POU2F1: variants seen among roughly 807,000 people sequenced by gnomAD.
The protein encoded by POU2F1 is POU class 2 homeobox 1.
In POU2F1, 16 loss-of-function variants were observed where a neutral mutation model predicts 84.9. That is an observed-to-expected ratio of 0.19 (90% CI 0.13 to 0.29). The LOEUF is 0.29. Ranked by LOEUF, POU2F1 falls within the 10% of genes least tolerant of loss-of-function variation. The pLI is 1.00. For synonymous variants in POU2F1, 368 were observed against 368.3 expected (o/e 1.00, Z 0.01); for missense variants, 738 against 942.6 (o/e 0.78, Z 2.84).
chr1:167,240,714 C>A (rs932201317), intron 1 of POU2F1, among the ~76,000 whole-genome samples: 1 of 152,128 alleles, frequency 6.6e-6, no homozygotes, highest in African/African-American at 2.4e-5. Flanking sequence ...CCTTTGGTGT[C>A]CCAATGAAGT....
chr1:167,417,755 G>A lies in POU2F1; in HGVS notation c.*1945G>A, dbSNP rs1477481193. On this transcript the variant is annotated 3_prime_UTR_variant, in exon 16 of 16. Transcript: ENST00000367866. ...TTGTTTGTGTCCACAAGGGAGCTTG[G>A]ATTCTGTGTACTTGTCTCTTTCCCA... is the stretch of plus-strand genomic sequence containing the variant. 1 of 152,122 alleles carries A rather than the reference G, an allele frequency of 6.6e-6. No individual in the cohort carries two copies. Among genetic ancestry groups the A allele is most frequent in the Non-Finnish European group, 1.5e-5 (1 of 68,028 alleles). The allele number at this position is 152,122 out of a possible 1,614,324, so 9.4% of individuals were successfully genotyped here.
At chr1:167,318,717 G>A (rs2102625177) in intron 1 of POU2F1, among the ~76,000 whole-genome samples, 1 of 152,260 alleles carries the variant, frequency 6.6e-6, no homozygotes, top group South Asian at 2.1e-4. Context: ...CAGATAGGCG[G>A]ACATTCAAAT....
intron 2 of POU2F1, among the ~76,000 whole-genome samples, chr1:167,347,111 A>G (rs906586105): frequency 2.0e-5 from 3 of 152,216 alleles, no homozygotes; most frequent in African/African-American, 7.2e-5. Context: ...AGATATTGTC[A>G]TTATTTCCTA....
intron 7 of POU2F1, among the ~76,000 whole-genome samples, chr1:167,381,289 TAGCC>T (rs1315898605): frequency 6.6e-6 from 1 of 152,110 alleles, no homozygotes; most frequent in Non-Finnish European, 1.5e-5. Flanking sequence ...TTCACCGTGT[TAGCC>T]AGGATGGTCT....
At chr1:167,267,615 T>C (rs1652059098) in intron 1 of POU2F1, among the ~76,000 whole-genome samples, 1 of 141,174 alleles carries the variant, frequency 7.1e-6, no homozygotes, top group Non-Finnish European at 1.5e-5. Context: ...TGTGAAAGTA[T>C]CACAGTTACT....
chr1:167,222,008 CT>C (rs937517561), intron 1 of POU2F1, among the ~76,000 whole-genome samples: 1 of 152,052 alleles, frequency 6.6e-6, no homozygotes, highest in Non-Finnish European at 1.5e-5. Context: ...CCCTTTGCCC[CT>C]CCCCGCTGCC....
intron 8 of POU2F1, among the ~76,000 whole-genome samples, chr1:167,386,841 A>G (rs1184281483): frequency 1.3e-5 from 2 of 152,182 alleles, no homozygotes; most frequent in Admixed American, 6.5e-5. Context: ...TACATAAAAC[A>G]TATTAGTGGT....
rs1202387705 is a variant in POU2F1, at chr1:167,421,930, G to A, written c.*6120G>A. The A allele has an allele frequency of 6.6e-6, 1 of 152,164 alleles. No homozygotes were observed. Among genetic ancestry groups the A allele is most frequent in the Non-Finnish European group, 1.5e-5 (1 of 68,028 alleles). 9.4% of individuals were successfully genotyped at this position (152,164 alleles called of 1,614,324 possible). On this transcript the variant is annotated 3_prime_UTR_variant, in exon 16 of 16. Coordinates refer to ENST00000367866, the MANE Select transcript of POU2F1 (RefSeq NM_002697.4). ...GGGAGGGTTGGGTGGGGGAAGAGGA[G>A]ATGTTGATTATGTTAGAAGGAAAAC...
chr1:167,386,587 T>C (rs982325678), intron 8 of POU2F1, among the ~76,000 whole-genome samples: 6 of 152,242 alleles, frequency 3.9e-5, no homozygotes, highest in African/African-American at 1.4e-4. Flanking sequence ...TATGTGAATG[T>C]TTCTAGCAGC....
At chr1:167,340,459 T>A (rs1174661621) in intron 2 of POU2F1, among the ~76,000 whole-genome samples, 1 of 134,822 alleles carries the variant, frequency 7.4e-6, no homozygotes, top group Non-Finnish European at 1.5e-5. Flanking sequence ...GGAGACAGAG[T>A]CTCACTCTGT....
chr1:167,403,959 T>G (rs531548036), intron 13 of POU2F1, among the ~76,000 whole-genome samples: 6 of 152,336 alleles, frequency 3.9e-5, no homozygotes, highest in Non-Finnish European at 5.9e-5. Context: ...TGAATTTTGT[T>G]GTGTTTTAGC....
chr1:167,365,318 G>A (rs555693963), intron 2 of POU2F1, 149 bp from the exon 3 acceptor site: 10 of 519,708 alleles, frequency 1.9e-5, no homozygotes, highest in South Asian at 1.4e-4. Flanking sequence ...CCAGTTTACT[G>A]TTTCCTTTCT....
At chr1:167,355,235 AC>A (rs1475168869) in intron 2 of POU2F1, among the ~76,000 whole-genome samples, 2 of 150,446 alleles carry the variant, frequency 1.3e-5, no homozygotes, top group Non-Finnish European at 3.0e-5. Context: ...TTAAATAGAT[AC>A]CCAGCTACCC....
At chr1:167,319,011 C>A in intron 1 of POU2F1, 1 of 153,792 alleles carries the variant, frequency 6.5e-6, no homozygotes, top group South Asian at 1.8e-4. Context: ...CTGCTTTCCT[C>A]AGGTTTTCTT....
At chr1:167,352,767 C>T (rs532825936) in intron 2 of POU2F1, among the ~76,000 whole-genome samples, 44 of 152,228 alleles carry the variant, frequency 2.9e-4, no homozygotes, top group African/African-American at 9.9e-4. Flanking sequence ...CTTAGTATAG[C>T]GGGCTTGAGA....
intron 1 of POU2F1, among the ~76,000 whole-genome samples, chr1:167,320,686 T>C (rs1656245159): frequency 6.6e-6 from 1 of 152,226 alleles, no homozygotes; most frequent in African/African-American, 2.4e-5. Context: ...CTTTACAAGA[T>C]GTTGCTCTTG....
At chr1:167,394,063 G>C (rs567979409) in intron 9 of POU2F1, among the ~76,000 whole-genome samples, 2 of 151,812 alleles carry the variant, frequency 1.3e-5, no homozygotes, top group East Asian at 3.9e-4. Flanking sequence ...TTGTCACCCA[G>C]GCTGGAGTGC....
At chr1:167,337,307 C>T (rs1657536433) in intron 2 of POU2F1, among the ~76,000 whole-genome samples, 1 of 151,246 alleles carries the variant, frequency 6.6e-6, no homozygotes, top group African/African-American at 2.4e-5. Flanking sequence ...GCCTGGGTGA[C>T]AGTGAGACCT....
At chr1:167,368,918 T>C (rs975185670) in intron 3 of POU2F1, among the ~76,000 whole-genome samples, 2 of 152,196 alleles carry the variant, frequency 1.3e-5, no homozygotes, top group African/African-American at 4.8e-5. Context: ...TTAGTGGTAC[T>C]ACCATTTTCC....
Sources: gnomAD v4.1 joint callset for allele counts (sites outside exome capture counted in the v4.1 genomes callset) on GRCh38, gnomAD v4.1.1 for gene constraint, MANE v1.5 for transcripts, NCBI Gene and HGNC (gene_info 2026-07-23, HGNC 2026-07-21) for gene names.